The following SNX29 variants were observed in gnomAD, a reference collection of about 807,000 sequenced individuals.
The protein encoded by SNX29 is sorting nexin 29, also known as sorting nexin-29.
Under a neutral mutation model 102.1 loss-of-function variants are expected in SNX29, and 78 were observed. The observed-to-expected ratio is 0.76, with a 90% CI of 0.64 to 0.92. SNX29 has a LOEUF of 0.92. SNX29 is among the 40% of genes least tolerant of loss of function. The probability of loss-of-function intolerance (pLI) is 0.00; values close to 1 mark genes in which losing one functional copy is unlikely to be tolerated. For synonymous variants in SNX29, 580 were observed against 414.5 expected (o/e 1.40, Z -4.85); for missense variants, 1,280 against 1,061.7 (o/e 1.21, Z -2.86).
At chr16:12,160,271 A>G (rs2055728570) in intron 13 of SNX29, among the ~76,000 whole-genome samples, 1 of 152,166 alleles carries the variant, frequency 6.6e-6, no homozygotes. Flanking sequence ...GTCAGGGGGC[A>G]TGGTAGGAGT....
intron 14 of SNX29, among the ~76,000 whole-genome samples, chr16:12,258,821 G>A (rs563659690): frequency 7.9e-4 from 120 of 152,284 alleles, no homozygotes; most frequent in Non-Finnish European, 1.4e-3. Context: ...CCAGTGTGGA[G>A]AGCGTTGTTA....
chr16:12,364,886 G>A (rs1038075108), intron 16 of SNX29, among the ~76,000 whole-genome samples: 3 of 152,020 alleles, frequency 2.0e-5, no homozygotes, highest in South Asian at 2.1e-4. Flanking sequence ...CACCACCTCC[G>A]CTCTCTCACT....
intron 4 of SNX29, among the ~76,000 whole-genome samples, chr16:12,032,642 C>T (rs113832889): frequency 0.016 from 2,407 of 152,090 alleles, 56 homozygotes; most frequent in African/African-American, 0.054. Flanking sequence ...TATGAAGATA[C>T]AAATACTTGT....
chr16:12,346,025 A>G (rs2081790959), intron 15 of SNX29, among the ~76,000 whole-genome samples: 1 of 152,190 alleles, frequency 6.6e-6, no homozygotes, highest in African/African-American at 2.4e-5. Flanking sequence ...CATTCCTAGT[A>G]TTATTTTGAA....
chr16:12,463,853 T>TGTGTGTGA (rs1215790835), intron 18 of SNX29, among the ~76,000 whole-genome samples: 13 of 137,280 alleles, frequency 9.5e-5, no homozygotes, highest in Non-Finnish European at 1.6e-4. Flanking sequence ...TGTGTGTGTG[T>TGTGTGTGA]GAGAGATGAC....
intron 20 of SNX29, among the ~76,000 whole-genome samples, chr16:12,552,852 G>A (rs1377948963): frequency 6.6e-6 from 1 of 152,258 alleles, no homozygotes; most frequent in Admixed American, 6.5e-5. Flanking sequence ...AGGAGAGGGT[G>A]TGGCAGATGG....
At chr16:12,566,104 C>A (rs1358289674) in intron 20 of SNX29, among the ~76,000 whole-genome samples, 1 of 152,216 alleles carries the variant, frequency 6.6e-6, no homozygotes, top group Admixed American at 6.5e-5. Context: ...TAAAACCACC[C>A]CACCTTTATT....
chr16:12,217,861 G>A (rs890682699), intron 14 of SNX29, among the ~76,000 whole-genome samples: 1 of 152,186 alleles, frequency 6.6e-6, no homozygotes, highest in Non-Finnish European at 1.5e-5. Context: ...AACGTGGATG[G>A]TAACTGCCTG....
intron 14 of SNX29, among the ~76,000 whole-genome samples, chr16:12,220,388 G>A (rs1426382975): frequency 6.6e-6 from 1 of 152,100 alleles, no homozygotes; most frequent in African/African-American, 2.4e-5. Flanking sequence ...GAGGTTAGGG[G>A]CCTGCATAGG....
intron 16 of SNX29, among the ~76,000 whole-genome samples, chr16:12,376,303 A>G (rs1277632564): frequency 2.0e-5 from 3 of 152,186 alleles, no homozygotes; most frequent in African/African-American, 7.2e-5. Context: ...GGTGAAGCCG[A>G]GCAATCGCTA....
chr16:11,978,489 G>T (rs563291721), intron 1 of SNX29, among the ~76,000 whole-genome samples: 1 of 152,198 alleles, frequency 6.6e-6, no homozygotes, highest in African/African-American at 2.4e-5. Flanking sequence ...ATCAGTTAAA[G>T]TGACTGGTAC....
chr16:12,291,456 C>T (rs1322594383), intron 15 of SNX29, among the ~76,000 whole-genome samples: 1 of 152,180 alleles, frequency 6.6e-6, no homozygotes, highest in Non-Finnish European at 1.5e-5. Flanking sequence ...CACTGGGTCT[C>T]TCCCACGACA....
intron 11 of SNX29, among the ~76,000 whole-genome samples, chr16:12,101,386 A>ATT (rs980544871): frequency 9.4e-6 from 1 of 106,366 alleles, no homozygotes. Flanking sequence ...CCCCAATTTT[A>ATT]TTTTTTTTTT....
chr16:12,165,213 C>G (rs1056511851), intron 13 of SNX29, among the ~76,000 whole-genome samples: 1 of 152,224 alleles, frequency 6.6e-6, no homozygotes, highest in Non-Finnish European at 1.5e-5. Context: ...GCTTTGGAAT[C>G]TCTGTTGCTC....
intron 14 of SNX29, among the ~76,000 whole-genome samples, chr16:12,237,383 C>T (rs957045871): frequency 2.6e-5 from 4 of 152,222 alleles, no homozygotes; most frequent in African/African-American, 4.8e-5. Context: ...CTAAGCCTCC[C>T]AGATTTTGCA....
At chr16:12,563,739 T>A (rs1413341200) in intron 20 of SNX29, among the ~76,000 whole-genome samples, 1 of 152,198 alleles carries the variant, frequency 6.6e-6, no homozygotes, top group Non-Finnish European at 1.5e-5. Flanking sequence ...CTGTCATTCT[T>A]TACCCAACAG....
intron 11 of SNX29, among the ~76,000 whole-genome samples, chr16:12,108,696 A>G (rs894769496): frequency 6.6e-6 from 1 of 152,104 alleles, no homozygotes; most frequent in Non-Finnish European, 1.5e-5. Flanking sequence ...CATTACGTAG[A>G]GTTATGCTGG....
At chr16:12,476,079 G>A (rs967482040) in intron 18 of SNX29, among the ~76,000 whole-genome samples, 2 of 151,934 alleles carry the variant, frequency 1.3e-5, no homozygotes, top group African/African-American at 4.8e-5. Flanking sequence ...CCAGTACTTT[G>A]TGAGGCCAAG....
chr16:12,452,389 G>A (rs1224795197), intron 18 of SNX29, among the ~76,000 whole-genome samples: 2 of 18,746 alleles, frequency 1.1e-4, no homozygotes, highest in African/African-American at 1.2e-3. Flanking sequence ...TCTCAATAGC[G>A]GGTAGCCGTC....
Sources: allele counts gnomAD v4.1 joint callset (sites outside exome capture counted in the v4.1 genomes callset), GRCh38; gene constraint gnomAD v4.1.1; transcripts MANE v1.5; gene names NCBI Gene and HGNC (gene_info 2026-07-23, HGNC 2026-07-21).